The following CAND1 variants were observed in gnomAD, a reference collection of about 807,000 sequenced individuals.
CAND1 encodes cullin-associated NEDD8-dissociated protein 1.
In CAND1, 7 loss-of-function variants were observed where a neutral mutation model predicts 108.5. The ratio of observed to expected loss-of-function variants is 0.06; its 90% confidence interval spans 0.04 to 0.12. CAND1 has a LOEUF of 0.12. CAND1 is among the 10% of genes least tolerant of loss of function. The pLI, the probability that CAND1 is intolerant of heterozygous loss-of-function variation, is 1.00. For synonymous variants in CAND1, 534 were observed against 512.0 expected, an observed-to-expected ratio of 1.04 and a Z score of -0.58; for missense variants, 941 against 1,448.7, an observed-to-expected ratio of 0.65 and a Z score of 5.69.
intron 2 of CAND1, among the ~76,000 whole-genome samples, 164 bp from the exon 3 acceptor site, chr12:67,292,458 C>A (rs1282973037): frequency 1.3e-5 from 2 of 152,180 alleles, no homozygotes. Context: ...AAAATCTTAA[C>A]CAATCACAAT....
At chr12:67,310,935 T>C (rs1008173551) in intron 13 of CAND1, 3 of 152,162 alleles carry the variant, frequency 2.0e-5, no homozygotes, top group African/African-American at 7.2e-5. Context: ...AAGTGTTCTT[T>C]GTTTTCCTGT....
chr12:67,280,126 G>A (rs779895075), intron 1 of CAND1, among the ~76,000 whole-genome samples: 2 of 152,138 alleles, frequency 1.3e-5, no homozygotes, highest in Non-Finnish European at 2.9e-5. Flanking sequence ...AAAAGTACGT[G>A]CTTAACTGAT....
Position 67,292,746 on chromosome 12 carries a change from G to A in CAND1, c.337G>A (p.Val113Ile). The change falls in exon 3 of 15, where the codon GTA (valine) becomes ATA (isoleucine). Residue 113 changes from valine (V) to isoleucine (I), a missense_variant. Physicochemically the swap from Val to Ile is conservative, Grantham distance 29. Coordinates refer to ENST00000545606, the MANE Select transcript of CAND1 (RefSeq NM_018448.5). ...CATTTCAAGTATTGGTCTTAAAACAGTAATTGGAGAACTTCCTCCAGCTTC... is the reference window on the plus strand; with the variant it reads ...CATTTCAAGTATTGGTCTTAAAACAATAATTGGAGAACTTCCTCCAGCTTC... ...RDISSIGLKT[V>I]IGELPPASSG... is the part of the protein sequence containing the mutation. The A allele has an allele frequency of 6.2e-7, 1 of 1,613,662 alleles. No individual in the cohort carries two copies. The highest frequency in any genetic ancestry group is 8.5e-7 in the Non-Finnish European group (1 of 1,179,864).
chr12:67,284,719 C>CACAG (rs1186212379), intron 2 of CAND1, among the ~76,000 whole-genome samples: 2 of 151,916 alleles, frequency 1.3e-5, no homozygotes, highest in African/African-American at 4.8e-5. Flanking sequence ...CACACACACA[C>CACAG]ACACACAAAC....
chr12:67,314,653 T>G lies in CAND1; in HGVS notation c.*1823T>G, dbSNP rs752040320. ...CTGACATGCATATGTTGTGTGAATG[T>G]CTTAGTTGGGTAAAGTTAAATCCAA... On this transcript the variant is annotated 3_prime_UTR_variant, in exon 15 of 15. Transcript: ENST00000545606. 11 of 152,228 alleles carry G rather than the reference T, an allele frequency of 7.2e-5. No homozygotes were observed. Among genetic ancestry groups the G allele is most frequent in the Non-Finnish European group, 1.2e-4 (8 of 68,044 alleles). The allele number at this position is 152,228 out of a possible 1,614,324, so 9.4% of individuals were successfully genotyped here.
chr12:67,272,525 A>G (rs1426197591), intron 1 of CAND1, among the ~76,000 whole-genome samples: 5 of 152,200 alleles, frequency 3.3e-5, no homozygotes, highest in African/African-American at 1.2e-4. Context: ...TTGTAGGACT[A>G]TTAAGGCTCA....
In CAND1 at chr12:67,305,769, A is replaced by G. The variant is rs1238865456; in HGVS notation, c.2101A>G (p.Ile701Val). 3 of 1,614,184 alleles carry G rather than the reference A, an allele frequency of 1.9e-6. No individual in the cohort carries two copies. Among genetic ancestry groups the G allele is most frequent in the Non-Finnish European group, 2.5e-6 (3 of 1,180,012 alleles). The change falls in exon 10 of 15, where the codon ATC becomes GTC. Residue 701 changes from isoleucine (I) to valine (V), a missense_variant. Physicochemically the swap from Ile to Val is conservative, Grantham distance 29. Coordinates refer to ENST00000545606, the MANE Select transcript of CAND1 (RefSeq NM_018448.5). The surrounding 1 kb of genome is among the most constrained non-coding windows in gnomAD (Gnocchi z 4.4). ...DAVLDELPPL[I>V]SESDMHVSQM... The stretch of plus-strand genomic sequence containing the variant: ...AGTTCTAGATGAGCTCCCACCTCTT[A>G]TCAGCGAAAGTGATATGCATGTTTC...
Position 67,311,735 on chromosome 12 carries a change from C to A in CAND1, c.3403C>A (p.Pro1135Thr). Residue 1135 changes from proline (P) to threonine (T), a missense_variant, in exon 14 of 15, where the codon CCA (proline) becomes ACA (threonine). By Grantham distance (38) the Pro-to-Thr change is conservative. This residue lies in a region of CAND1 where 22 missense variants were observed against 24.4 expected (regional missense o/e 0.90). Transcript: ENST00000545606. ...LMLVRLSTLC[P>T]SAVLQRLDRL... ...GTTGGTGAGACTGTCTACCCTTTGT[C>A]CAAGTGCAGTACTGCAGAGGTTGGA... is the stretch of plus-strand genomic sequence containing the variant. 1 of 1,611,742 alleles carries A rather than the reference C, an allele frequency of 6.2e-7. No homozygotes were observed. The highest frequency in any genetic ancestry group is 8.5e-7 in the Non-Finnish European group (1 of 1,178,022).
At chr12:67,287,147 T>A (rs2136000049) in intron 2 of CAND1, among the ~76,000 whole-genome samples, 1 of 152,350 alleles carries the variant, frequency 6.6e-6, no homozygotes, top group East Asian at 1.9e-4. Context: ...GTAGAGTATT[T>A]AGCAGCATCC....
chr12:67,312,550 G>A (rs780852546), intron 14 of CAND1, 56 bp from the exon 15 acceptor site: 49 of 1,173,544 alleles, frequency 4.2e-5, no homozygotes, highest in Non-Finnish European at 5.4e-5. Flanking sequence ...CTTAAATTTT[G>A]TTCATGTAAG....
chr12:67,303,592 G>T (rs540891356), intron 8 of CAND1, among the ~76,000 whole-genome samples: 56 of 152,242 alleles, frequency 3.7e-4, no homozygotes, highest in African/African-American at 1.3e-3. Flanking sequence ...TAGGGTATGT[G>T]TCCATGTAGT....
At chr12:67,270,861 A>G (rs915719519) in intron 1 of CAND1, 1 of 152,048 alleles carries the variant, frequency 6.6e-6, no homozygotes, top group Non-Finnish European at 1.5e-5. Context: ...GGTGCATTTT[A>G]AAGGAAATAA....
rs1245729600 is a variant in CAND1, at chr12:67,314,255, T to A, written c.*1425T>A. On this transcript the variant is annotated 3_prime_UTR_variant, in exon 15 of 15. Transcript: ENST00000545606. Reference sequence around the variant, plus strand: ...ACCCTTTAGTTTTGAAACTGTGAATTAGAAACACTTTTCCTGCTGTATTAC... The same window carrying A: ...ACCCTTTAGTTTTGAAACTGTGAATAAGAAACACTTTTCCTGCTGTATTAC... 1 of 152,222 alleles carries A rather than the reference T, an allele frequency of 6.6e-6. No homozygotes were observed. Among genetic ancestry groups the A allele is most frequent in the African/African-American group, 2.4e-5 (1 of 41,460 alleles). The allele number at this position is 152,222 out of a possible 1,614,324, so 9.4% of individuals were successfully genotyped here.
At chr12:67,279,792 T>A (rs2044603393) in intron 1 of CAND1, among the ~76,000 whole-genome samples, 1 of 152,156 alleles carries the variant, frequency 6.6e-6, no homozygotes, top group African/African-American at 2.4e-5. Flanking sequence ...GGTAGAACCA[T>A]ACAGGACCAT....
In CAND1 at chr12:67,312,745, G is replaced by C. The variant is rs1350113417; in HGVS notation, c.3608G>C (p.Ser1203Thr). Residue 1203 changes from serine (S) to threonine (T), a missense_variant, in exon 15 of 15, where the codon AGT becomes ACT. By Grantham distance (58) the Ser-to-Thr change is moderately conservative. Transcript: ENST00000545606. ...ATGAGTGAATTCCAGTCACAGATCA[G>C]TTCTAACCCTGAGCTGGCGGCTATC... ...PLMSEFQSQI[S>T]SNPELAAIFE... is the part of the protein sequence containing the mutation. The C allele has an allele frequency of 2.5e-6, 4 of 1,613,776 alleles. No individual in the cohort carries two copies. The African/African-American group carries it at 5.3e-5, about 22-fold the overall frequency.
Position 67,305,244 on chromosome 12 carries a change from G to T in CAND1, c.1576G>T (p.Ala526Ser). The T allele has an allele frequency of 1.9e-6, 3 of 1,614,126 alleles. No individual in the cohort carries two copies. Among genetic ancestry groups the T allele is most frequent in the Non-Finnish European group, 2.5e-6 (3 of 1,180,022 alleles). The change falls in exon 10 of 15, where the codon GCT (alanine) becomes TCT (serine). Residue 526 changes from alanine to serine, a missense_variant. By Grantham distance (99) the Ala-to-Ser change is moderately conservative. Around this residue, in one of 9 missense-constraint regions of CAND1, gnomAD observed 697 missense variants for 942.0 expected, o/e 0.74. Transcript: ENST00000545606. The surrounding 1 kb of genome is among the most constrained non-coding windows in gnomAD (Gnocchi z 4.4). ...TCAGGCTTTGGTTCCTCCAGTGGTG[G>T]CTTGTGTTGGAGACCCATTTTACAA... Reference protein sequence around the residue: ...HVQALVPPVVACVGDPFYKIT... With the variant: ...HVQALVPPVVSCVGDPFYKIT...
intron 1 of CAND1, among the ~76,000 whole-genome samples, chr12:67,273,926 T>C (rs2044546469): frequency 6.6e-6 from 1 of 152,248 alleles, no homozygotes. Context: ...CTTACAACTT[T>C]AGTAAAAGAG....
chr12:67,303,827 C>T (rs891575254), intron 8 of CAND1, among the ~76,000 whole-genome samples: 1 of 152,108 alleles, frequency 6.6e-6, no homozygotes, highest in African/African-American at 2.4e-5. Flanking sequence ...TTCCTTCTAA[C>T]AGCAAATGGA....
chr12:67,270,708 C>G (rs1469499081), intron 1 of CAND1: 1 of 150,424 alleles, frequency 6.6e-6, no homozygotes, highest in Non-Finnish European at 1.5e-5. Context: ...TTTCCTTGCA[C>G]GCTTCGGTGA....
Sources: allele counts gnomAD v4.1 joint callset (sites outside exome capture counted in the v4.1 genomes callset), GRCh38; gene constraint gnomAD v4.1.1; regional missense constraint gnomAD v4.1.1; non-coding constraint Gnocchi (gnomAD v3.1); transcripts MANE v1.5; gene names NCBI Gene and HGNC (gene_info 2026-07-23, HGNC 2026-07-21).